The following EYS variants were observed in gnomAD, a reference collection of about 807,000 sequenced individuals.
EYS encodes protein eyes shut homolog.
In EYS, 250 loss-of-function variants were observed where a neutral mutation model predicts 282.1. That is an observed-to-expected ratio of 0.89 (90% confidence interval 0.80 to 0.98). The LOEUF is 0.98. Ranked by LOEUF, EYS falls within the 50% of genes least tolerant of loss-of-function variation. The pLI, the probability that EYS is intolerant of heterozygous loss-of-function variation, is 0.00. For missense variants in EYS, 4,016 were observed against 3,709.0 expected, an observed-to-expected ratio of 1.08 and a Z score of -2.15; for synonymous variants, 1,355 against 1,282.9, an observed-to-expected ratio of 1.06 and a Z score of -1.20.
At position 63,778,144 on chromosome 6, in the gene EYS, T is replaced by C; in HGVS notation, c.7760A>G (p.Asp2587Gly). The change falls in exon 40 of 43, where the codon GAT (aspartate) becomes GGT (glycine). Residue 2587 changes from aspartate (D) to glycine (G), a missense_variant. By Grantham distance (94) the Asp-to-Gly change is moderately conservative. Coordinates refer to ENST00000503581, the MANE Select transcript of EYS (RefSeq NM_001142800.2). ...ATTTCCCAGTCCTCTGAAATGGCCA[T>C]CCTTCTCAGTGCGAACTTGAAGAGT... ...IFTLQVRTEK[D>G]GHFRGLGNPE... 2 of 1,551,890 alleles carry C rather than the reference T, an allele frequency of 1.3e-6. No homozygotes were observed. Among genetic ancestry groups the C allele is most frequent in the Non-Finnish European group, 1.7e-6 (2 of 1,146,994 alleles).
chr6:65,024,560 T>A (rs1772342589), intron 13 of EYS, among the ~76,000 whole-genome samples: 1 of 152,202 alleles, frequency 6.6e-6, no homozygotes, highest in Non-Finnish European at 1.5e-5. Flanking sequence ...TGTGGTTTAC[T>A]TCTTCAAAAT....
intron 30 of EYS, among the ~76,000 whole-genome samples, chr6:64,304,183 G>A (rs889975585): frequency 2.6e-5 from 4 of 152,168 alleles, no homozygotes; most frequent in African/African-American, 7.2e-5. Context: ...ACACTGACAG[G>A]CAAAATATCT....
chr6:63,839,628 T>C (rs1771898438), intron 36 of EYS, among the ~76,000 whole-genome samples: 1 of 152,000 alleles, frequency 6.6e-6, no homozygotes, highest in African/African-American at 2.4e-5. Context: ...ACATTACAGG[T>C]ATGAGTCACA....
At chr6:64,677,157 A>T (rs998368648) in intron 22 of EYS, among the ~76,000 whole-genome samples, 4 of 152,140 alleles carry the variant, frequency 2.6e-5, no homozygotes, top group Admixed American at 2.6e-4. Flanking sequence ...AATATTGAGT[A>T]TTAGCTATTA....
chr6:64,493,005 T>C (rs1335351584), intron 26 of EYS, among the ~76,000 whole-genome samples: 3 of 151,338 alleles, frequency 2.0e-5, no homozygotes, highest in African/African-American at 7.3e-5. Context: ...AAAATATGAA[T>C]AAACTAGAAT....
At chr6:64,039,907 A>C (rs1191671698) in intron 33 of EYS, among the ~76,000 whole-genome samples, 1 of 152,196 alleles carries the variant, frequency 6.6e-6, no homozygotes, top group Non-Finnish European at 1.5e-5. Context: ...AAACTTAATA[A>C]CATAGGGATT....
At chr6:63,894,642 C>A (rs1437351276) in intron 35 of EYS, among the ~76,000 whole-genome samples, 1 of 151,680 alleles carries the variant, frequency 6.6e-6, no homozygotes, top group Admixed American at 6.6e-5. Context: ...AGTGCAGTGG[C>A]ACAATCTCTG....
intron 28 of EYS, among the ~76,000 whole-genome samples, chr6:64,425,528 C>T (rs1307176842): frequency 6.6e-6 from 1 of 151,978 alleles, no homozygotes; most frequent in African/African-American, 2.4e-5. Flanking sequence ...GTGGTGTCTG[C>T]CTGTAATCCC....
At chr6:65,298,417 G>A (rs1186244261) in intron 11 of EYS, among the ~76,000 whole-genome samples, 1 of 151,904 alleles carries the variant, frequency 6.6e-6, no homozygotes, top group Non-Finnish European at 1.5e-5. Context: ...CTAGGAATCT[G>A]CATTTGGCCA....
intron 12 of EYS, among the ~76,000 whole-genome samples, chr6:65,115,556 A>G (rs9445468): frequency 0.26 from 39,850 of 152,004 alleles, 6,416 homozygotes; most frequent in African/African-American, 0.45. Flanking sequence ...AAAAATTTAT[A>G]TATTACATCT....
At chr6:64,864,534 C>T (rs1239519063) in intron 19 of EYS, among the ~76,000 whole-genome samples, 2 of 150,216 alleles carry the variant, frequency 1.3e-5, no homozygotes, top group East Asian at 2.0e-4. Flanking sequence ...TACAGGCACA[C>T]GCCACCATGC....
chr6:64,255,622 A>G (rs1408471923), intron 30 of EYS, among the ~76,000 whole-genome samples: 2 of 152,074 alleles, frequency 1.3e-5, no homozygotes, highest in Non-Finnish European at 1.5e-5. Context: ...GTTTTAATTC[A>G]AATTTCACTT....
At position 63,836,676 on chromosome 6, in the gene EYS, TA is replaced by T. The variant is rs566125252; in HGVS notation, c.7228+27509del. Among the ~76,000 whole-genome samples, 372 of 152,044 alleles carry T rather than the reference TA, an allele frequency of 2.4e-3. 1 individual carries two copies. Among genetic ancestry groups the T allele is most frequent in the East Asian group, 7.1e-3 (37 of 5,184 alleles). ...AAAAGAGTACAGATTTTTAAAATAT[TA>T]AAAAAAATTTTTTGGCATTAAAATG... On this transcript the variant is annotated intron_variant, in intron 36 of 42. Transcript: ENST00000503581.
chr6:64,447,959 T>C (rs866947752), intron 26 of EYS, among the ~76,000 whole-genome samples: 8 of 152,258 alleles, frequency 5.3e-5, no homozygotes, highest in Middle Eastern at 3.4e-3. Flanking sequence ...AAAATAAAAA[T>C]CAAATCATGC....
intron 28 of EYS, among the ~76,000 whole-genome samples, chr6:64,424,707 T>C (rs1774347977): frequency 6.6e-6 from 1 of 152,224 alleles, no homozygotes; most frequent in South Asian, 2.1e-4. Flanking sequence ...CATTTATTTA[T>C]TAATCAACAA....
intron 42 of EYS, among the ~76,000 whole-genome samples, chr6:63,722,244 C>A (rs1303247367): frequency 6.6e-6 from 1 of 152,086 alleles, no homozygotes. Flanking sequence ...ACAACACTGA[C>A]TTTGTTAATT....
At chr6:65,005,184 G>A (rs187523563) in intron 13 of EYS, among the ~76,000 whole-genome samples, 7 of 147,968 alleles carry the variant, frequency 4.7e-5, no homozygotes, top group African/African-American at 1.5e-4. Flanking sequence ...CAGGATGTCC[G>A]CTGTGCTCCT....
intron 19 of EYS, among the ~76,000 whole-genome samples, chr6:64,852,505 T>G (rs1583223762): frequency 6.6e-6 from 1 of 152,130 alleles, no homozygotes. Context: ...TGTGATCTTG[T>G]GAGTTGATAC....
intron 35 of EYS, among the ~76,000 whole-genome samples, chr6:63,917,212 C>T (rs945417574): frequency 6.6e-6 from 1 of 152,234 alleles, no homozygotes; most frequent in African/African-American, 2.4e-5. Flanking sequence ...GATCTTGCAA[C>T]CCAGCTCAGG....
Sources: allele counts gnomAD v4.1 joint callset (sites outside exome capture counted in the v4.1 genomes callset), GRCh38; gene constraint gnomAD v4.1.1; transcripts MANE v1.5; gene names NCBI Gene and HGNC (gene_info 2026-07-23, HGNC 2026-07-21).